Variants in KLF8 observed in about 807,000 individuals in gnomAD.
KLF8 encodes the protein KLF transcription factor 8, also known as Krueppel-like factor 8.
A neutral mutation model predicts 18.2 loss-of-function variants in KLF8; 10 were observed. The observed-to-expected ratio is 0.55, with a 90% confidence interval of 0.34 to 0.93. KLF8 has a LOEUF of 0.93. Among genes scored for constraint, KLF8 ranks in the 40% least tolerant of loss-of-function variants. KLF8 has a pLI of 0.02. For synonymous variants in KLF8, 109 were observed against 97.3 expected, an observed-to-expected ratio of 1.12 and a Z score of -0.71; for missense variants, 264 against 277.9, an observed-to-expected ratio of 0.95 and a Z score of 0.36.
At chrX:56,160,799 G>T in the KLF8 span, among the ~76,000 whole-genome samples, 2 of 110,989 alleles carry the variant, frequency 1.8e-5, no homozygotes, top group African/African-American at 3.3e-5. Context: ...GCGTGAGATG[G>T]GTTTCCTGAA....
chrX:55,961,235 C>A, the KLF8 span: 1 of 309,964 alleles, frequency 3.2e-6, no homozygotes, highest in Non-Finnish European at 5.9e-6. Context: ...CAGCCATGTC[C>A]TCTCCAGGAT....
At chrX:56,040,393 T>C in the KLF8 span, among the ~76,000 whole-genome samples, 432 of 112,113 alleles carry the variant, frequency 3.9e-3, no homozygotes, top group African/African-American at 0.013. Context: ...CTTTGACTTC[T>C]GTTCCCTCGA....
intron 5 of KLF8, among the ~76,000 whole-genome samples, chrX:56,274,811 T>C (rs2067100936): frequency 8.9e-6 from 1 of 112,144 alleles, no homozygotes; most frequent in African/African-American, 3.2e-5. Flanking sequence ...ATGAGTTCAC[T>C]ATAAATGCAT....
At chrX:55,991,134 A>T in the KLF8 span, among the ~76,000 whole-genome samples, 2 of 112,105 alleles carry the variant, frequency 1.8e-5, no homozygotes, top group Admixed American at 1.9e-4. Flanking sequence ...GGCCTCCTTG[A>T]GCTGCCATGG....
At chrX:56,177,490 T>A in the KLF8 span, among the ~76,000 whole-genome samples, 2 of 110,771 alleles carry the variant, frequency 1.8e-5, no homozygotes, top group Admixed American at 1.9e-4. Flanking sequence ...TACCCGGCCA[T>A]GTGAGGTGTC....
At chrX:56,225,664 T>C in the KLF8 span, among the ~76,000 whole-genome samples, 1 of 112,319 alleles carries the variant, frequency 8.9e-6, no homozygotes, top group South Asian at 3.7e-4. Context: ...TCTAAGCATG[T>C]TTATGTACAT....
chrX:56,177,437 G>A, the KLF8 span, among the ~76,000 whole-genome samples: 1,058 of 111,109 alleles, frequency 9.5e-3, 10 homozygotes, highest in African/African-American at 0.033. Flanking sequence ...AGCAGCAAAT[G>A]TTGTTGCCTG....
At chrX:56,224,919 A>G in the KLF8 span, among the ~76,000 whole-genome samples, 3 of 111,302 alleles carry the variant, frequency 2.7e-5, no homozygotes, top group African/African-American at 9.8e-5. Context: ...CATCCTCCAG[A>G]GGGGATGAAC....
At chrX:55,953,161 C>A in the KLF8 span, among the ~76,000 whole-genome samples, 1 of 111,412 alleles carries the variant, frequency 9.0e-6, no homozygotes, top group Non-Finnish European at 1.9e-5. Context: ...AGATGAGGTT[C>A]CTGCCTGACA....
chrX:55,926,362 C>G, the KLF8 span, among the ~76,000 whole-genome samples: 2 of 110,432 alleles, frequency 1.8e-5, no homozygotes, highest in Non-Finnish European at 3.8e-5. Flanking sequence ...TCTTTCCATG[C>G]TTCCTATCTG....
chrX:56,233,603 T>C (rs1018023124), intron 1 of KLF8, among the ~76,000 whole-genome samples: 1 of 111,664 alleles, frequency 9.0e-6, no homozygotes. Flanking sequence ...TGGATGGATT[T>C]GTCTAGTCTA....
chrX:56,237,391 A>T (rs1469553439), intron 1 of KLF8, among the ~76,000 whole-genome samples: 1 of 107,919 alleles, frequency 9.3e-6, no homozygotes, highest in South Asian at 3.9e-4. Flanking sequence ...AGTTTCTATT[A>T]TATATATATG....
At chrX:55,928,596 G>T in the KLF8 span, among the ~76,000 whole-genome samples, 1 of 111,326 alleles carries the variant, frequency 9.0e-6, no homozygotes, top group Non-Finnish European at 1.9e-5. Context: ...TCCCACTTAT[G>T]AGTGAGAACA....
chrX:56,104,976 A>T, the KLF8 span, among the ~76,000 whole-genome samples: 1 of 112,100 alleles, frequency 8.9e-6, no homozygotes, highest in East Asian at 2.8e-4. Context: ...TTATGTACCC[A>T]GTAGTCACTC....
chrX:56,051,502 G>C, the KLF8 span, among the ~76,000 whole-genome samples: 4 of 109,817 alleles, frequency 3.6e-5, no homozygotes, highest in African/African-American at 1.3e-4. Flanking sequence ...TGTCTGTAAA[G>C]GATTTTATTT....
chrX:55,992,729 A>G, the KLF8 span, among the ~76,000 whole-genome samples: 1 of 112,209 alleles, frequency 8.9e-6, no homozygotes, highest in Non-Finnish European at 1.9e-5. Flanking sequence ...TCTATCTATG[A>G]TAATGGAATG....
At chrX:55,990,750 GT>G in the KLF8 span, among the ~76,000 whole-genome samples, 1 of 112,261 alleles carries the variant, frequency 8.9e-6, no homozygotes, top group African/African-American at 3.2e-5. Flanking sequence ...TCTGTTGGAG[GT>G]TGCTGGAGGT....
intron 5 of KLF8, among the ~76,000 whole-genome samples, chrX:56,278,512 G>A (rs1360322367): frequency 1.8e-5 from 2 of 111,168 alleles, no homozygotes; most frequent in African/African-American, 6.6e-5. Context: ...CTGTGGCTAA[G>A]CTTGTATCCA....
At chrX:55,979,134 T>C in the KLF8 span, among the ~76,000 whole-genome samples, 107 of 111,900 alleles carry the variant, frequency 9.6e-4, no homozygotes, top group African/African-American at 3.4e-3. Context: ...GTTATCCAGT[T>C]TTACTTTGGG....
Sources: gnomAD v4.1 joint callset for allele counts (sites outside exome capture counted in the v4.1 genomes callset) on GRCh38, gnomAD v4.1.1 for gene constraint, MANE v1.5 for transcripts, NCBI Gene and HGNC (gene_info 2026-07-23, HGNC 2026-07-21) for gene names.